PCDHGA6: variants seen among roughly 807,000 people sequenced by gnomAD.
PCDHGA6 encodes the protein protocadherin gamma-A6.
PCDHGA6 carries 41 observed loss-of-function variants against 60.6 expected under a neutral mutation model. The observed-to-expected ratio is 0.68, with a 90% CI of 0.53 to 0.88. The LOEUF (loss-of-function observed/expected upper bound fraction) is 0.88, where lower values mean the gene tolerates loss of function less well. Among genes scored for constraint, PCDHGA6 ranks in the 40% least tolerant of loss-of-function variants. The pLI is 0.00. For missense variants in PCDHGA6, 1,312 were observed against 1,203.0 expected, an observed-to-expected ratio of 1.09 and a Z score of -1.34; for synonymous variants, 594 against 524.4, an observed-to-expected ratio of 1.13 and a Z score of -1.81.
In PCDHGA6 at chr5:141,413,117, C is replaced by G. The variant is rs902301902; in HGVS notation, c.2424+36610C>G. 1.9e-5 allele frequency: 29 copies of G among 1,509,004 alleles called. No homozygotes were observed. In the African/African-American group the frequency reaches 4.1e-4, roughly 21 times the overall value. The allele number at this position is 1,509,004 out of a possible 1,614,324, so 93.5% of individuals were successfully genotyped here. ...TGAAGCCACAGAAAGACAAAGGAAC[C>G]GGTTGAAACACACAACGTGTCCAGT... On this transcript the variant is annotated intron_variant, in intron 1 of 3. Transcript: ENST00000517434.
chr5:141,414,908 G>A (rs758472270), intron 1 of PCDHGA6: 19 of 1,614,188 alleles, frequency 1.2e-5, no homozygotes, highest in Non-Finnish European at 1.6e-5. Flanking sequence ...GGTTCCACAG[G>A]CGTGGAGCTG....
At position 141,408,409 on chromosome 5, in the gene PCDHGA6, C is replaced by G. The variant is rs780778580; in HGVS notation, c.2424+31902C>G. On this transcript the variant is annotated intron_variant, in intron 1 of 3. Coordinates refer to ENST00000517434, the MANE Select transcript of PCDHGA6 (RefSeq NM_018919.3). ...TGTCGGCTCGCAAGCTGCGAGTGAGCGCGGAGAAGCTGCACTTCAGCGTAG... is the reference window on the plus strand; with the variant it reads ...TGTCGGCTCGCAAGCTGCGAGTGAGGGCGGAGAAGCTGCACTTCAGCGTAG... 3.1e-6 allele frequency: 5 copies of G among 1,613,884 alleles called. No individual in the cohort carries two copies. In the East Asian group the frequency reaches 1.1e-4, roughly 36 times the overall value.
intron 1 of PCDHGA6, chr5:141,398,208 G>C (rs898628305): frequency 1.3e-6 from 2 of 1,486,802 alleles, no homozygotes; most frequent in Non-Finnish European, 9.0e-7. Context: ...TGTTCTGCCC[G>C]GCGCTCTGTG....
intron 1 of PCDHGA6, 28 bp downstream of exon 1, chr5:141,376,535 G>A (rs1194313716): frequency 6.2e-7 from 1 of 1,613,586 alleles, no homozygotes; most frequent in South Asian, 1.1e-5. Context: ...TAAGCGGGAA[G>A]AGTAATCTGA....
Position 141,491,287 on chromosome 5 carries a change from C to T in PCDHGA6, c.2425-3520C>T, listed in dbSNP as rs1562145447. 2 of 1,614,030 alleles carry T rather than the reference C, an allele frequency of 1.2e-6. No homozygotes were observed. Among genetic ancestry groups the T allele is most frequent in the Admixed American group, 1.7e-5 (1 of 60,032 alleles). On this transcript the variant is annotated intron_variant, in intron 1 of 3. Coordinates refer to ENST00000517434, the MANE Select transcript of PCDHGA6 (RefSeq NM_018919.3). The surrounding 1 kb of genome is among the most constrained non-coding windows in gnomAD (Gnocchi z 6.9). ...GCCCAAATCCAGTGACTTCCTCATA[C>T]ACCCTCCTGAGCGTTCAGACCTTAC... is the stretch of plus-strand genomic sequence containing the variant.
At chr5:141,426,487 G>A (rs999549044) in intron 1 of PCDHGA6, 2 of 333,788 alleles carry the variant, frequency 6.0e-6, no homozygotes, top group African/African-American at 4.3e-5. Context: ...AAACCTTAGA[G>A]TTAGTGCAGA....
chr5:141,423,226 G>A lies in PCDHGA6; in HGVS notation c.2424+46719G>A, dbSNP rs775936938. On this transcript the variant is annotated intron_variant, in intron 1 of 3. Coordinates refer to ENST00000517434, the MANE Select transcript of PCDHGA6 (RefSeq NM_018919.3). The stretch of plus-strand genomic sequence containing the variant: ...CGTCACGCTCACCGTGGCTGTGGCC[G>A]ACAGCATCCCCGAAGTCCTGGCGGA... The A allele has an allele frequency of 2.2e-5, 36 of 1,613,708 alleles. No homozygotes were observed. The highest frequency in any genetic ancestry group is 2.6e-5 in the Non-Finnish European group (31 of 1,180,034).
At position 141,485,260 on chromosome 5, in the gene PCDHGA6, G is replaced by A. The variant is rs773919574; in HGVS notation, c.2425-9547G>A. On this transcript the variant is annotated intron_variant, in intron 1 of 3. Transcript: ENST00000517434. This position sits in a 1 kb window ranked among gnomAD's most constrained non-coding sequence, Gnocchi z 5.7. ...TTTACCACCTGGGTTACGTTTGTGG[G>A]CAGATCCGCTACCCGGTCCCAGAGG... The A allele has an allele frequency of 8.7e-6, 14 of 1,614,002 alleles. No individual in the cohort carries two copies. In the African/African-American group the frequency reaches 1.5e-4, roughly 17 times the overall value.
At chr5:141,409,832 G>A (rs777679132) in intron 1 of PCDHGA6, 20 of 1,610,814 alleles carry the variant, frequency 1.2e-5, no homozygotes, top group Non-Finnish European at 1.6e-5. Context: ...CACGCTCAGC[G>A]CCAACGTGAG....
intron 1 of PCDHGA6, chr5:141,404,341 AAAC>A (rs769977252): frequency 6.2e-7 from 1 of 1,613,966 alleles, no homozygotes; most frequent in Non-Finnish European, 8.5e-7. Flanking sequence ...ACCTCCCGGA[AAAC>A]AACGCCAGAG....
intron 1 of PCDHGA6, among the ~76,000 whole-genome samples, chr5:141,481,655 T>A (rs933683728): frequency 1.3e-5 from 2 of 152,054 alleles, no homozygotes; most frequent in African/African-American, 4.8e-5. Flanking sequence ...TCATCTCTAC[T>A]AATAATACAA....
chr5:141,395,310 A>G (rs752171326), intron 1 of PCDHGA6: 7 of 1,502,410 alleles, frequency 4.7e-6, no homozygotes. Context: ...TTTGAAAAAC[A>G]TTGTGAAGAT....
At chr5:141,382,896 G>T (rs754850386) in intron 1 of PCDHGA6, 1 of 1,537,674 alleles carries the variant, frequency 6.5e-7, no homozygotes, top group Admixed American at 2.1e-5. Context: ...GAAGCAGGAC[G>T]ACTATGGCGG....
At chr5:141,394,744 T>C (rs755757019) in intron 1 of PCDHGA6, 1 of 1,613,408 alleles carries the variant, frequency 6.2e-7, no homozygotes, top group Non-Finnish European at 8.5e-7. Flanking sequence ...AGCCTCGTGG[T>C]GGCCGTCCAG....
At chr5:141,444,358 A>T (rs2098433774) in intron 1 of PCDHGA6, among the ~76,000 whole-genome samples, 1 of 151,436 alleles carries the variant, frequency 6.6e-6, no homozygotes, top group Non-Finnish European at 1.5e-5. Context: ...TTTAGTAGAG[A>T]CGGGGTTTCT....
chr5:141,488,186 G>T (rs1005725656), intron 1 of PCDHGA6, among the ~76,000 whole-genome samples: 2 of 152,180 alleles, frequency 1.3e-5, no homozygotes, highest in South Asian at 2.1e-4. Context: ...AGATCTTTTG[G>T]TCTGGGTCTT....
At chr5:141,418,530 G>T in intron 1 of PCDHGA6, 6 of 1,613,952 alleles carry the variant, frequency 3.7e-6, no homozygotes, top group Non-Finnish European at 5.1e-6. Flanking sequence ...CCCCGAAGCG[G>T]TACTGCTCAG....
intron 1 of PCDHGA6, chr5:141,395,547 TGTGTGTGTGTGTGTGTGTGTGTGTG>T: frequency 5.8e-6 from 1 of 173,894 alleles, no homozygotes; most frequent in Admixed American, 6.5e-5. Context: ...ATTGTTTGTG[TGTGTGTGTGTGTGTGTGTGTGTGTG>T]TGTGTGTGTG....
At chr5:141,419,259 C>T (rs765877993) in intron 1 of PCDHGA6, 2 of 1,613,900 alleles carry the variant, frequency 1.2e-6, no homozygotes, top group South Asian at 2.2e-5. Flanking sequence ...AACAACCAGC[C>T]GGGTGCCTCC....
Sources: allele counts gnomAD v4.1 joint callset (sites outside exome capture counted in the v4.1 genomes callset), GRCh38; gene constraint gnomAD v4.1.1; non-coding constraint Gnocchi (gnomAD v3.1); transcripts MANE v1.5; gene names NCBI Gene and HGNC (gene_info 2026-07-23, HGNC 2026-07-21).